Variants in VCL observed in about 807,000 individuals in gnomAD.
The protein encoded by VCL is epididymis luminal protein 114.
Under a neutral mutation model 125.7 loss-of-function variants are expected in VCL, and 47 were observed. The observed-to-expected ratio is 0.37, with a 90% CI of 0.30 to 0.48. The LOEUF (loss-of-function observed/expected upper bound fraction) is 0.48, where lower values mean the gene tolerates loss of function less well. Among genes scored for constraint, VCL ranks in the 20% least tolerant of loss-of-function variants. The pLI is 0.99. For missense variants in VCL, 1,069 were observed against 1,455.5 expected, an observed-to-expected ratio of 0.73 and a Z score of 4.32; for synonymous variants, 458 against 514.6, an observed-to-expected ratio of 0.89 and a Z score of 1.49.
intron 1 of VCL, among the ~76,000 whole-genome samples, chr10:74,021,074 T>C (rs889558657): frequency 1.3e-5 from 2 of 152,030 alleles, no homozygotes; most frequent in Admixed American, 1.3e-4. Context: ...TTCCCCTCCA[T>C]CTTTTCGTTA....
chr10:74,072,888 A>T (rs1485089035), intron 5 of VCL, 36 bp downstream of exon 5: 2 of 1,613,712 alleles, frequency 1.2e-6, no homozygotes, highest in African/African-American at 1.3e-5. Context: ...ATAGGGGGGA[A>T]AAATGTTAGC....
intron 1 of VCL, among the ~76,000 whole-genome samples, chr10:74,020,840 C>CAAAAAAAAAAAAAA (rs567412270): frequency 1.5e-5 from 1 of 66,738 alleles, no homozygotes; most frequent in African/African-American, 5.9e-5. Flanking sequence ...GACCTTGTCT[C>CAAAAAAAAAAAAAA]AAAAAAAAAA....
At chr10:74,074,995 T>C in intron 6 of VCL, 92 bp downstream of exon 6, 1 of 1,527,266 alleles carries the variant, frequency 6.5e-7, no homozygotes. Context: ...TATCTTGTAA[T>C]TTTTGTAGCA....
At chr10:74,111,861 TCTTA>T in intron 18 of VCL, 44 bp from the exon 19 acceptor site, 1 of 1,610,336 alleles carries the variant, frequency 6.2e-7, no homozygotes, top group Non-Finnish European at 8.5e-7. Flanking sequence ...GTCGTATTGC[TCTTA>T]CTAACACTAT....
intron 1 of VCL, among the ~76,000 whole-genome samples, chr10:74,010,645 GT>G (rs199852044): frequency 6.7e-6 from 1 of 150,052 alleles, no homozygotes; most frequent in East Asian, 2.0e-4. Flanking sequence ...CCTTTTCACC[GT>G]TTAAAAAAAA....
intron 2 of VCL, among the ~76,000 whole-genome samples, chr10:74,045,622 CAAA>C (rs71482565): frequency 2.1e-5 from 2 of 93,122 alleles, no homozygotes; most frequent in Non-Finnish European, 3.9e-5. Context: ...GACTCTGTCT[CAAA>C]AAAAAAAAAA....
intron 2 of VCL, among the ~76,000 whole-genome samples, chr10:74,052,465 C>G (rs550319929): frequency 7.9e-5 from 12 of 151,014 alleles, no homozygotes; most frequent in African/African-American, 2.7e-4. Flanking sequence ...CAACCTCCCC[C>G]TCTAGGGCTC....
In VCL at chr10:74,087,016, T is replaced by A. The variant is rs549034286; in HGVS notation, c.1023-2180T>A. Among the ~76,000 whole-genome samples, 32 of 151,106 alleles carry A rather than the reference T, an allele frequency of 2.1e-4. No homozygotes were observed. The East Asian group carries it at 3.3e-3, about 16-fold the overall frequency. On this transcript the variant is annotated intron_variant, in intron 8 of 21. Coordinates refer to ENST00000211998, the MANE Select transcript of VCL (RefSeq NM_014000.3). ...ACTTTTTCACAGTTGGACTCTTTTT[T>A]AAAAAAAAAATTTCTAAATTTCCAG...
Position 74,071,186 on chromosome 10 carries a change from T to C in VCL, c.499+103T>C. 9.6e-7 allele frequency: 1 copy of C among 1,038,290 alleles called. No individual in the cohort carries two copies. The highest frequency in any genetic ancestry group is 1.5e-6 in the Non-Finnish European group (1 of 671,932). The allele number at this position is 1,038,290 out of a possible 1,614,324, so 64.3% of individuals were successfully genotyped here. A position where few individuals can be genotyped will look rare whatever the true frequency, so the allele number is the denominator to read the frequency against. ...ACTTTTTGCAGAAGATAGGTGAAGA[T>C]GCATTGGGCTTTCAGGTGTCTGCTC... On this transcript the variant is annotated intron_variant, in intron 4 of 21. Transcript: ENST00000211998. This position sits in a 1 kb window ranked among gnomAD's most constrained non-coding sequence, Gnocchi z 4.1.
At chr10:74,057,888 G>A (rs781048014) in intron 2 of VCL, among the ~76,000 whole-genome samples, 8 of 152,198 alleles carry the variant, frequency 5.3e-5, no homozygotes, top group African/African-American at 9.7e-5. Context: ...AGCCGTGATC[G>A]TGCCACTGCA....
rs188653829 is a variant in VCL at position 74,043,482 on chromosome 10, G to A, written c.239+329G>A. 3.9e-4 allele frequency among the ~76,000 whole-genome samples: 59 copies of A among 152,140 alleles called. 1 individual carries two copies. The highest frequency in any genetic ancestry group is 8.3e-4 in the South Asian group (4 of 4,806). The stretch of plus-strand genomic sequence containing the variant: ...CTGTCTCAGCCTCTGGAATAGCTTG[G>A]ATTATAGGCGCGTGCCACCATCCCT... On this transcript the variant is annotated intron_variant, in intron 2 of 21. Coordinates refer to ENST00000211998, the MANE Select transcript of VCL (RefSeq NM_014000.3).
At chr10:74,017,696 C>T (rs891614196) in intron 1 of VCL, among the ~76,000 whole-genome samples, 1 of 151,032 alleles carries the variant, frequency 6.6e-6, no homozygotes, top group Non-Finnish European at 1.5e-5. Context: ...GGGACTACTA[C>T]AGGTGCATGC....
intron 18 of VCL, among the ~76,000 whole-genome samples, chr10:74,111,116 A>AT (rs1385047173): frequency 2.6e-5 from 4 of 152,120 alleles, no homozygotes; most frequent in African/African-American, 9.7e-5. Context: ...ATGGATGCAA[A>AT]AAGAGATGGT....
At chr10:74,034,253 C>A (rs1402273005) in intron 1 of VCL, among the ~76,000 whole-genome samples, 1 of 152,160 alleles carries the variant, frequency 6.6e-6, no homozygotes, top group Non-Finnish European at 1.5e-5. Context: ...TATTGCATTG[C>A]ATACAAGGCC....
At chr10:74,021,928 G>A (rs1297824986) in intron 1 of VCL, among the ~76,000 whole-genome samples, 2 of 151,480 alleles carry the variant, frequency 1.3e-5, no homozygotes, top group Non-Finnish European at 2.9e-5. Context: ...TAGGCTGATT[G>A]TTATCTTCTA....
chr10:74,020,793 A>G (rs1372237614), intron 1 of VCL, among the ~76,000 whole-genome samples: 2 of 131,554 alleles, frequency 1.5e-5, no homozygotes, highest in Non-Finnish European at 3.1e-5. Flanking sequence ...GTGAACCATG[A>G]TCGCCCCACT....
intron 19 of VCL, among the ~76,000 whole-genome samples, chr10:74,112,741 T>C (rs971751473): frequency 6.6e-6 from 1 of 152,042 alleles, no homozygotes; most frequent in Admixed American, 6.6e-5. Context: ...CCATAGAACT[T>C]TGGCCTTGGG....
intron 16 of VCL, 113 bp downstream of exon 16, chr10:74,105,466 A>AAGTGTCTATAGTTTT: frequency 3.1e-6 from 4 of 1,298,394 alleles, no homozygotes; most frequent in African/African-American, 1.5e-5. Context: ...GGCAAAAACT[A>AAGTGTCTATAGTTTT]TAGACACTTA....
intron 6 of VCL, 96 bp from the exon 7 acceptor site, chr10:74,082,358 A>C: frequency 7.7e-7 from 1 of 1,302,748 alleles, no homozygotes; most frequent in Non-Finnish European, 1.1e-6. Context: ...TACCTTAGCT[A>C]TGTATGTTAA....
Sources: gnomAD v4.1 joint callset for allele counts (sites outside exome capture counted in the v4.1 genomes callset) on GRCh38, gnomAD v4.1.1 for gene constraint, Gnocchi (gnomAD v3.1) non-coding constraint, MANE v1.5 for transcripts, NCBI Gene and HGNC (gene_info 2026-07-23, HGNC 2026-07-21) for gene names.